Variants in TRIO observed in about 807,000 individuals in gnomAD.
TRIO encodes the protein trio Rho guanine nucleotide exchange factor.
Under a neutral mutation model 351.9 loss-of-function variants are expected in TRIO, and 58 were observed. That is an observed-to-expected ratio of 0.16 (90% CI 0.13 to 0.21). The LOEUF is 0.21. Ranked by LOEUF, TRIO falls within the 10% of genes least tolerant of loss-of-function variation. TRIO has a pLI of 1.00. For synonymous variants in TRIO, 1,758 were observed against 1,595.7 expected (o/e 1.10, Z -2.42); for missense variants, 3,201 against 4,027.8 (o/e 0.79, Z 5.56).
rs7714012 is a variant in TRIO at position 14,223,318 on chromosome 5, A to G, written c.158-47507A>G. Among the ~76,000 whole-genome samples the G allele has an allele frequency of 6.8e-3, 1,028 of 152,278 alleles. 13 individuals carry two copies. The highest frequency in any genetic ancestry group is 0.024 in the African/African-American group (980 of 41,544). ...ACGTCTTTTGAGTTCCCCCAGAAAA[A>G]CGATGTAAACAGAATCATTCGTTGG... On this transcript the variant is annotated intron_variant, in intron 1 of 56. Coordinates refer to ENST00000344204, the MANE Select transcript of TRIO (RefSeq NM_007118.4).
At chr5:14,218,927 T>C (rs1384727998) in intron 1 of TRIO, among the ~76,000 whole-genome samples, 1 of 152,242 alleles carries the variant, frequency 6.6e-6, no homozygotes, top group Non-Finnish European at 1.5e-5. Context: ...CAGCAACCCT[T>C]CTCCGGCTCT....
chr5:14,269,325 T>G lies in TRIO; in HGVS notation c.158-1500T>G, dbSNP rs886751592. On this transcript the variant is annotated intron_variant, in intron 1 of 56. Coordinates refer to ENST00000344204, the MANE Select transcript of TRIO (RefSeq NM_007118.4). ...CTGATTTATTCATTCTTTGTTTCTA[T>G]GAATGATAATGTTGTAGAGACTGAA... 3.3e-5 allele frequency among the ~76,000 whole-genome samples: 5 copies of G among 152,256 alleles called. 1 individual carries two copies. The highest frequency in any genetic ancestry group is 3.3e-4 in the Admixed American group (5 of 15,290).
chr5:14,388,783 T>C, intron 24 of TRIO, 104 bp downstream of exon 24: 1 of 1,307,496 alleles, frequency 7.6e-7, no homozygotes. Context: ...ATCACAATTT[T>C]TTTCTGTCAT....
chr5:14,450,453 C>T (rs550259022), intron 34 of TRIO, among the ~76,000 whole-genome samples: 1 of 152,194 alleles, frequency 6.6e-6, no homozygotes, highest in African/African-American at 2.4e-5. Context: ...GTTGGCCCTT[C>T]TCAGGCGGCA....
intron 1 of TRIO, among the ~76,000 whole-genome samples, chr5:14,264,859 G>C (rs1795573675): frequency 6.6e-6 from 1 of 152,204 alleles, no homozygotes; most frequent in African/African-American, 2.4e-5. Flanking sequence ...CTGCCAAACT[G>C]ATGCAGATTT....
chr5:14,199,053 C>T (rs980580435), intron 1 of TRIO, among the ~76,000 whole-genome samples: 8 of 151,920 alleles, frequency 5.3e-5, no homozygotes, highest in Non-Finnish European at 1.0e-4. Flanking sequence ...GTCTGACCAA[C>T]GTGGTGAAAC....
In TRIO at chr5:14,472,603, A is replaced by C; in HGVS notation, c.5924A>C (p.Gln1975Pro). ...TTTTTTCTCTCCAGCTACGTTTTGC[A>C]AGAACTAGTGGAGACAGAGCGTGAC... is the stretch of plus-strand genomic sequence containing the variant. ...SSLKRRHYVL[Q>P]ELVETERDYV... is the part of the protein sequence containing the mutation. The change falls in exon 39 of 57, where the codon CAA (glutamine) becomes CCA (proline). Residue 1975 changes from glutamine to proline, a missense_variant. Physicochemically the swap from Gln to Pro is moderately conservative, Grantham distance 76. Around this residue, in one of 19 missense-constraint regions of TRIO, gnomAD observed 307 missense variants for 396.5 expected, o/e 0.77. Transcript: ENST00000344204. 1 of 1,614,106 alleles carries C rather than the reference A, an allele frequency of 6.2e-7. No individual in the cohort carries two copies. Among genetic ancestry groups the C allele is most frequent in the Non-Finnish European group, 8.5e-7 (1 of 1,179,970 alleles).
At chr5:14,447,545 C>T (rs944679747) in intron 34 of TRIO, among the ~76,000 whole-genome samples, 7 of 152,058 alleles carry the variant, frequency 4.6e-5, no homozygotes, top group African/African-American at 1.2e-4. Flanking sequence ...TTTTTAAAAC[C>T]GTTTTGCCTG....
Position 14,173,059 on chromosome 5 carries a change from C to G in TRIO, c.157+29177C>G, listed in dbSNP as rs181332341. 8.6e-4 allele frequency among the ~76,000 whole-genome samples: 131 copies of G among 152,248 alleles called. 1 individual carries two copies. The Middle Eastern group carries it at 0.01, about 12-fold the overall frequency. On this transcript the variant is annotated intron_variant, in intron 1 of 56. Coordinates refer to ENST00000344204, the MANE Select transcript of TRIO (RefSeq NM_007118.4). ...AAATCTTTTCCAAAAATGCTTGTTT[C>G]AGGGGAAGTTGATCACTAGGCATGG...
At chr5:14,356,476 C>A (rs980628165) in intron 11 of TRIO, among the ~76,000 whole-genome samples, 2 of 152,174 alleles carry the variant, frequency 1.3e-5, no homozygotes, top group African/African-American at 4.8e-5. Flanking sequence ...CTGACCACAT[C>A]AGTTATTGGT....
At position 14,497,695 on chromosome 5, in the gene TRIO, T is replaced by C; in HGVS notation, c.8020-152T>C. 4 of 958,400 alleles carry C rather than the reference T, an allele frequency of 4.2e-6. No individual in the cohort carries two copies. Among genetic ancestry groups the C allele is most frequent in the Non-Finnish European group, 3.3e-6 (2 of 608,452 alleles). 59.4% of individuals were successfully genotyped at this position (958,400 alleles called of 1,614,324 possible). ...CCCAAATTAGTGTGACATGAAACTT[T>C]TGAGTGCAGTGAAAATGTGGTCTGT... On this transcript the variant is annotated intron_variant, in intron 50 of 56. Transcript: ENST00000344204. The surrounding 1 kb of genome is among the most constrained non-coding windows in gnomAD (Gnocchi z 4.4).
At position 14,338,255 on chromosome 5, in the gene TRIO, C is replaced by A. The variant is rs550587946; in HGVS notation, c.2046+1528C>A. Among the ~76,000 whole-genome samples the A allele has an allele frequency of 1.1e-4, 16 of 152,284 alleles. No individual in the cohort carries two copies. The East Asian group carries it at 3.1e-3, about 29-fold the overall frequency. On this transcript the variant is annotated intron_variant, in intron 11 of 56. Transcript: ENST00000344204. ...GGCCGTACCCCTGCTTTTAAACTAC[C>A]AGTGGTTCTTCTTGTATGTGGGGAG... is the stretch of plus-strand genomic sequence containing the variant.
intron 34 of TRIO, among the ~76,000 whole-genome samples, chr5:14,436,695 A>G (rs989020079): frequency 6.6e-6 from 1 of 152,218 alleles, no homozygotes; most frequent in African/African-American, 2.4e-5. Flanking sequence ...GGCCAAAACA[A>G]AGGGGCTACA....
intron 9 of TRIO, among the ~76,000 whole-genome samples, chr5:14,328,157 C>T (rs527458802): frequency 2.0e-5 from 3 of 152,014 alleles, no homozygotes; most frequent in Non-Finnish European, 2.9e-5. Context: ...ACGCCCAATA[C>T]GCTAGTTAAA....
intron 46 of TRIO, among the ~76,000 whole-genome samples, chr5:14,484,475 A>G (rs901606471): frequency 1.3e-5 from 2 of 152,242 alleles, no homozygotes; most frequent in Non-Finnish European, 2.9e-5. Flanking sequence ...AAGAGGCATT[A>G]AAAAGCTTCA....
intron 21 of TRIO, among the ~76,000 whole-genome samples, chr5:14,381,891 G>A (rs1220133348): frequency 1.3e-5 from 2 of 152,148 alleles, no homozygotes; most frequent in South Asian, 2.1e-4. Context: ...GCTTTTTGAG[G>A]AAAAATATAA....
intron 11 of TRIO, among the ~76,000 whole-genome samples, chr5:14,337,931 A>T (rs1579363478): frequency 1.3e-5 from 2 of 152,298 alleles, no homozygotes; most frequent in East Asian, 1.9e-4. Flanking sequence ...TGGTCCCGAG[A>T]TGGTCATCAG....
chr5:14,496,132 G>T (rs896398801), intron 49 of TRIO, among the ~76,000 whole-genome samples: 2 of 152,114 alleles, frequency 1.3e-5, no homozygotes, highest in Non-Finnish European at 2.9e-5. Flanking sequence ...TTTTAATTAA[G>T]GTATGTACAT....
chr5:14,351,567 T>A (rs1329283022), intron 11 of TRIO, among the ~76,000 whole-genome samples: 1 of 152,192 alleles, frequency 6.6e-6, no homozygotes, highest in Non-Finnish European at 1.5e-5. Context: ...CACCAAGTGC[T>A]TATAGAAGTT....
Sources: gnomAD v4.1 joint callset for allele counts (sites outside exome capture counted in the v4.1 genomes callset) on GRCh38, gnomAD v4.1.1 for gene constraint, gnomAD v4.1.1 regional missense constraint, Gnocchi (gnomAD v3.1) non-coding constraint, MANE v1.5 for transcripts, NCBI Gene and HGNC (gene_info 2026-07-23, HGNC 2026-07-21) for gene names.